SNX20: variants seen among roughly 807,000 people sequenced by gnomAD.
SNX20 encodes sorting nexin-20.
A neutral mutation model predicts 24.5 loss-of-function variants in SNX20; 21 were observed. The observed-to-expected ratio is 0.86, with a 90% CI of 0.61 to 1.23. SNX20 has a LOEUF of 1.23. Ranked by LOEUF, SNX20 falls within the 50% of genes most tolerant of loss-of-function variation. The probability of loss-of-function intolerance (pLI) is 0.00; values close to 1 mark genes in which losing one functional copy is unlikely to be tolerated. For missense variants in SNX20, 433 were observed against 430.8 expected, an observed-to-expected ratio of 1.00 and a Z score of -0.04; for synonymous variants, 206 against 192.8, an observed-to-expected ratio of 1.07 and a Z score of -0.57.
At chr16:50,668,308 T>G, downstream of SNX20, 2 of 1,359,250 alleles carry the variant, frequency 1.5e-6, no homozygotes, top group Non-Finnish European at 1.9e-6. Flanking sequence ...AAGTCTCAGC[T>G]TGGTGATTGC....
chr16:50,679,028 G>A (rs948006142), intron 1 of SNX20, among the ~76,000 whole-genome samples: 5 of 151,912 alleles, frequency 3.3e-5, no homozygotes, highest in African/African-American at 1.2e-4. Flanking sequence ...TTAGAGAAAG[G>A]GACAATTAAA....
downstream of SNX20, chr16:50,669,696 A>G (rs1962998202): frequency 6.6e-6 from 1 of 152,390 alleles, no homozygotes; most frequent in African/African-American, 2.4e-5. Flanking sequence ...GGTCAAATTA[A>G]AGCCTGGTCT....
downstream of SNX20, chr16:50,667,772 T>C: frequency 3.4e-6 from 2 of 583,054 alleles, no homozygotes; most frequent in Non-Finnish European, 6.1e-6. Flanking sequence ...GCTAAGTCCA[T>C]GCTATGCTGA....
In SNX20 at chr16:50,674,080, G is replaced by T. The variant is rs183803298; in HGVS notation, c.283-6C>A. 20 of 1,587,298 alleles carry T rather than the reference G, an allele frequency of 1.3e-5. No homozygotes were observed. The Admixed American group carries it at 2.8e-4, about 22-fold the overall frequency. ...ATGACGATGATTTGGTACACCTAGGGCGCAACCAGAGAGAGCTGTGGCCAC... is the reference window on the plus strand; with the variant it reads ...ATGACGATGATTTGGTACACCTAGGTCGCAACCAGAGAGAGCTGTGGCCAC... On this transcript the variant is annotated splice_region_variant and splice_polypyrimidine_tract_variant and intron_variant, in intron 3 of 3. Transcript: ENST00000330943.
At chr16:50,667,758 C>G (rs1962947268), downstream of SNX20, 1 of 532,412 alleles carries the variant, frequency 1.9e-6, no homozygotes. Flanking sequence ...CACTAGAGAG[C>G]AGAGCTAAGT....
At chr16:50,668,237 T>C, downstream of SNX20, 10 of 1,432,662 alleles carry the variant, frequency 7.0e-6, no homozygotes, top group Non-Finnish European at 8.2e-6. Flanking sequence ...CGCTACGTGG[T>C]GAGAAACTTA....
intron 1 of SNX20, among the ~76,000 whole-genome samples, chr16:50,678,797 T>A (rs1391781206): frequency 6.6e-6 from 1 of 152,206 alleles, no homozygotes; most frequent in Non-Finnish European, 1.5e-5. Flanking sequence ...TTCTGTTTCC[T>A]ATAAATTGGG....
At chr16:50,668,985 G>T, downstream of SNX20, 1 of 1,548,118 alleles carries the variant, frequency 6.5e-7, no homozygotes, top group Non-Finnish European at 8.7e-7. Flanking sequence ...CCAGCTGGAT[G>T]ACCCCTAAGA....
At chr16:50,669,443 A>G, downstream of SNX20, 1 of 303,228 alleles carries the variant, frequency 3.3e-6, no homozygotes, top group East Asian at 7.1e-5. Context: ...CAGAGTGAGA[A>G]CTCATTCATT....
downstream of SNX20, chr16:50,670,933 T>G (rs1024454224): frequency 2.0e-5 from 3 of 152,222 alleles, no homozygotes; most frequent in Non-Finnish European, 4.4e-5. Context: ...AGTCCCTTTT[T>G]GGGAAGCCTG....
At chr16:50,674,205 GT>G (rs924394595) in intron 3 of SNX20, 131 bp from the exon 4 acceptor site, 10 of 687,632 alleles carry the variant, frequency 1.5e-5, no homozygotes, top group Non-Finnish European at 2.0e-5. Flanking sequence ...ATATGCAATT[GT>G]TTGTTTGTTT....
chr16:50,668,310 G>T, downstream of SNX20: 1 of 1,329,152 alleles, frequency 7.5e-7, no homozygotes, highest in Non-Finnish European at 9.8e-7. Flanking sequence ...GTCTCAGCTT[G>T]GTGATTGCAG....
At position 50,676,259 on chromosome 16, in the gene SNX20, C is replaced by T. The variant is rs550056378; in HGVS notation, c.131-338G>A. ...AATCCCTGCTCTGGACAAGCAGAGA[C>T]GGTGGCTTGTGTGTTTCTGTGCTCC... is the stretch of plus-strand genomic sequence containing the variant. On this transcript the variant is annotated intron_variant, in intron 2 of 3. Transcript: ENST00000330943. 7.3e-4 allele frequency among the ~76,000 whole-genome samples: 111 copies of T among 152,016 alleles called. 1 individual carries two copies. Among genetic ancestry groups the T allele is most frequent in the Non-Finnish European group, 1.3e-3 (88 of 67,996 alleles).
chr16:50,674,253 A>G (rs541506830), intron 3 of SNX20, among the ~76,000 whole-genome samples, 179 bp from the exon 4 acceptor site: 1 of 144,604 alleles, frequency 6.9e-6, no homozygotes, highest in South Asian at 2.1e-4. Context: ...TTATTTATTT[A>G]TTTATTTATT....
At chr16:50,676,441 G>T (rs1296577740) in intron 2 of SNX20, among the ~76,000 whole-genome samples, 1 of 152,134 alleles carries the variant, frequency 6.6e-6, no homozygotes, top group Non-Finnish European at 1.5e-5. Flanking sequence ...TCTCGGACGT[G>T]CACTGCTCTG....
At chr16:50,668,896 C>G, downstream of SNX20, 1 of 1,448,592 alleles carries the variant, frequency 6.9e-7, no homozygotes, top group African/African-American at 1.4e-5. Context: ...CTGAACTGTG[C>G]CTCCCAGCCT....
intron 1 of SNX20, among the ~76,000 whole-genome samples, chr16:50,678,749 TG>T (rs1347920800): frequency 2.0e-5 from 3 of 152,182 alleles, no homozygotes; most frequent in Non-Finnish European, 4.4e-5. Flanking sequence ...GTGGAAGGGA[TG>T]ACCTGGTAGC....
At chr16:50,676,423 C>T (rs546814285) in intron 2 of SNX20, among the ~76,000 whole-genome samples, 19 of 152,250 alleles carry the variant, frequency 1.2e-4, no homozygotes, top group East Asian at 3.9e-4. Context: ...GCCCACATGC[C>T]GGGCTCTTCT....
chr16:50,673,538 C>T lies in SNX20; in HGVS notation c.819G>A (p.Met273Ile). ...HRYYAPLLDA[M>I]VRLAYALGKD... ...TGCCCAGCGCGTAGGCCAGGCGGAC[C>T]ATGGCGTCCAGCAGAGGCGCATAGT... is the stretch of plus-strand genomic sequence containing the variant. Residue 273 changes from methionine (M) to isoleucine (I), a missense_variant, in exon 4 of 4, where the codon ATG becomes ATA. By Grantham distance (10) the Met-to-Ile change is conservative. Transcript: ENST00000330943. The surrounding 1 kb of genome is among the most constrained non-coding windows in gnomAD (Gnocchi z 4.1). 1 of 1,609,424 alleles carries T rather than the reference C, an allele frequency of 6.2e-7. No homozygotes were observed. The highest frequency in any genetic ancestry group is 8.5e-7 in the Non-Finnish European group (1 of 1,179,150).
Sources: gnomAD v4.1 joint callset for allele counts (sites outside exome capture counted in the v4.1 genomes callset) on GRCh38, gnomAD v4.1.1 for gene constraint, Gnocchi (gnomAD v3.1) non-coding constraint, MANE v1.5 for transcripts, NCBI Gene and HGNC (gene_info 2026-07-23, HGNC 2026-07-21) for gene names.